CBL: variants seen among roughly 807,000 people sequenced by gnomAD.
The protein encoded by CBL is E3 ubiquitin-protein ligase CBL.
CBL carries 45 observed loss-of-function variants against 96.9 expected under a neutral mutation model. The ratio of observed to expected loss-of-function variants is 0.46; its 90% CI spans 0.37 to 0.60. The LOEUF is 0.60. CBL is among the 20% of genes least tolerant of loss of function. The pLI is 0.00. For synonymous variants in CBL, 420 were observed against 426.8 expected (o/e 0.98, Z 0.20); for missense variants, 1,024 against 1,143.5 (o/e 0.90, Z 1.51).
At chr11:119,274,106 A>G in intron 4 of CBL, 82 bp downstream of exon 4, 1 of 1,093,712 alleles carries the variant, frequency 9.1e-7, no homozygotes, top group Non-Finnish European at 1.4e-6. Context: ...TTTAAATAAC[A>G]TTTGGGGTTT....
chr11:119,244,581 A>ATTTTTTTTT lies in CBL; in HGVS notation c.443+11896_443+11904dup, dbSNP rs532837579. On this transcript the variant is annotated intron_variant, in intron 2 of 15. Transcript: ENST00000264033. ...AGGTGCATGCTACCATGCCCGGCTA[A>ATTTTTTTTT]TTTTTTTTTTTTTTTTTTGAGACGG... is the stretch of plus-strand genomic sequence containing the variant. 2.7e-3 allele frequency among the ~76,000 whole-genome samples: 286 copies of ATTTTTTTTT among 104,358 alleles called. 23 individuals carry two copies. The highest frequency in any genetic ancestry group is 0.011 in the African/African-American group (256 of 24,332). The allele number at this position is 104,358 out of a possible 152,430, so 68.5% of individuals were successfully genotyped here. A position where few individuals can be genotyped will look rare whatever the true frequency, so the allele number is the denominator to read the frequency against.
At position 119,206,358 on chromosome 11, in the gene CBL, C is replaced by T. The variant is rs1028874636; in HGVS notation, c.-60C>T. Reference sequence around the variant, plus strand: ...CCCCTCCTTCACGCCCTGCTTCTCTCCCTCGCTCGCAGTCGAGCCGAGCCG... The same window carrying T: ...CCCCTCCTTCACGCCCTGCTTCTCTTCCTCGCTCGCAGTCGAGCCGAGCCG... On this transcript the variant is annotated 5_prime_UTR_variant, in exon 1 of 16. Coordinates refer to ENST00000264033, the MANE Select transcript of CBL (RefSeq NM_005188.4). 1.2e-4 allele frequency: 166 copies of T among 1,340,576 alleles called. No homozygotes were observed. The highest frequency in any genetic ancestry group is 2.8e-4 in the South Asian group (19 of 68,390). 83.0% of individuals were successfully genotyped at this position (1,340,576 alleles called of 1,614,324 possible).
chr11:119,275,908 G>T, intron 5 of CBL, 89 bp from the exon 6 acceptor site: 5 of 1,205,594 alleles, frequency 4.1e-6, no homozygotes, highest in Non-Finnish European at 6.2e-6. Context: ...ATTCTTGATG[G>T]TTCTTTTGAT....
intron 1 of CBL, among the ~76,000 whole-genome samples, chr11:119,224,684 G>C (rs1344618433): frequency 6.6e-6 from 1 of 152,122 alleles, no homozygotes; most frequent in East Asian, 1.9e-4. Flanking sequence ...TCTGCCTCCC[G>C]GGTTCAAGCG....
At chr11:119,232,361 A>G in intron 1 of CBL, 87 bp from the exon 2 acceptor site, 1 of 1,418,654 alleles carries the variant, frequency 7.0e-7, no homozygotes, top group South Asian at 1.2e-5. Flanking sequence ...GCAAAAGAGC[A>G]CATATTTCAT....
At position 119,277,854 on chromosome 11, in the gene CBL, G is replaced by A. The variant is rs1949901140; in HGVS notation, c.1095+10G>A. On this transcript the variant is annotated intron_variant, in intron 7 of 15. Coordinates refer to ENST00000264033, the MANE Select transcript of CBL (RefSeq NM_005188.4). ...TATCAAAGTGACCCAGGTGAGTTTT[G>A]TTTCACATGATAACCATATCACTGG... 1.9e-6 allele frequency: 3 copies of A among 1,568,208 alleles called. No individual in the cohort carries two copies. Among genetic ancestry groups the A allele is most frequent in the South Asian group, 2.2e-5 (2 of 90,138 alleles).
chr11:119,303,376 A>G lies in CBL; in HGVS notation c.*3595A>G, dbSNP rs1163946329. On this transcript the variant is annotated 3_prime_UTR_variant, in exon 16 of 16. Transcript: ENST00000264033. ...GCTCTAACAGTTTGTTTGTTCATCCAGCAAATGTTTATGAGTGATGACCAT... is the reference window on the plus strand; with the variant it reads ...GCTCTAACAGTTTGTTTGTTCATCCGGCAAATGTTTATGAGTGATGACCAT... 8.6e-6 allele frequency: 2 copies of G among 233,436 alleles called. No homozygotes were observed. The highest frequency in any genetic ancestry group is 1.1e-4 in the Admixed American group (2 of 17,784). The allele number at this position is 233,436 out of a possible 1,614,324, so 14.5% of individuals were successfully genotyped here.
At position 119,297,488 on chromosome 11, in the gene CBL, TG is replaced by T; in HGVS notation, c.2251+8del. ...ACCGAGAGCAGCACCTTTGGTAAGTTGCCATTCTGCTACTTTAAAAATCATT... is the reference window on the plus strand; with the variant it reads ...ACCGAGAGCAGCACCTTTGGTAAGTTCCATTCTGCTACTTTAAAAATCATT... On this transcript the variant is annotated splice_region_variant and intron_variant, in intron 14 of 15. Transcript: ENST00000264033. 1 of 1,583,818 alleles carries T rather than the reference TG, an allele frequency of 6.3e-7. No homozygotes were observed. Among genetic ancestry groups the T allele is most frequent in the South Asian group, 1.1e-5 (1 of 90,452 alleles).
chr11:119,303,324 A>G lies in CBL; in HGVS notation c.*3543A>G, dbSNP rs1950114131. On this transcript the variant is annotated 3_prime_UTR_variant, in exon 16 of 16. Transcript: ENST00000264033. Reference sequence around the variant, plus strand: ...ACTCTGGAATGACCACTGTTCATTGAAAAATAGTTTTCTGACTATTGGTCT... The same window carrying G: ...ACTCTGGAATGACCACTGTTCATTGGAAAATAGTTTTCTGACTATTGGTCT... 4.3e-6 allele frequency: 1 copy of G among 233,200 alleles called. No homozygotes were observed. The highest frequency in any genetic ancestry group is 1.8e-4 in the South Asian group (1 of 5,528). 14.4% of individuals were successfully genotyped at this position (233,200 alleles called of 1,614,324 possible).
intron 1 of CBL, among the ~76,000 whole-genome samples, chr11:119,210,440 A>C (rs1949306739): frequency 6.6e-6 from 1 of 151,558 alleles, no homozygotes; most frequent in South Asian, 2.1e-4. Flanking sequence ...TTAGTAAGAG[A>C]CTTTATTTAT....
Position 119,299,417 on chromosome 11 carries a change from T to TA in CBL, c.2435-77dup. ...TTACAGGAAGTCAGTAATATCTTGATATTAGCACATTTTTATTGCTGTTGT... is the reference window on the plus strand; with the variant it reads ...TTACAGGAAGTCAGTAATATCTTGATAATTAGCACATTTTTATTGCTGTTGT... On this transcript the variant is annotated intron_variant, in intron 15 of 15. Coordinates refer to ENST00000264033, the MANE Select transcript of CBL (RefSeq NM_005188.4). 7.6e-6 allele frequency: 10 copies of TA among 1,322,282 alleles called. 1 individual carries two copies. In the South Asian group the frequency reaches 1.2e-4, roughly 16 times the overall value. 81.9% of individuals were successfully genotyped at this position (1,322,282 alleles called of 1,614,324 possible). A position where few individuals can be genotyped will look rare whatever the true frequency, so the allele number is the denominator to read the frequency against.
At position 119,306,128 on chromosome 11, in the gene CBL, G is replaced by A. The variant is rs1387663830; in HGVS notation, c.*6347G>A. Reference sequence around the variant, plus strand: ...AGTAGGAGATGGGGAAATAGGGATGGGGAGAGCAAGCCCCGCATGTCCATG... The same window carrying A: ...AGTAGGAGATGGGGAAATAGGGATGAGGAGAGCAAGCCCCGCATGTCCATG... On this transcript the variant is annotated 3_prime_UTR_variant, in exon 16 of 16. Coordinates refer to ENST00000264033, the MANE Select transcript of CBL (RefSeq NM_005188.4). 3.3e-5 allele frequency: 13 copies of A among 396,808 alleles called. No individual in the cohort carries two copies. The highest frequency in any genetic ancestry group is 2.1e-4 in the African/African-American group (10 of 48,728). The allele number at this position is 396,808 out of a possible 1,614,324, so 24.6% of individuals were successfully genotyped here. A position where few individuals can be genotyped will look rare whatever the true frequency, so the allele number is the denominator to read the frequency against.
chr11:119,273,734 C>T, intron 3 of CBL, 134 bp from the exon 4 acceptor site: 1 of 790,028 alleles, frequency 1.3e-6, no homozygotes, highest in East Asian at 2.7e-5. Context: ...AGAAGTTGAC[C>T]TGTATTTTGA....
At chr11:119,216,801 A>C (rs933605087) in intron 1 of CBL, among the ~76,000 whole-genome samples, 25 of 151,654 alleles carry the variant, frequency 1.6e-4, no homozygotes, top group African/African-American at 6.1e-4. Context: ...CCAAATAACT[A>C]CCCTCCCAAG....
At chr11:119,237,791 G>A (rs1176436413) in intron 2 of CBL, among the ~76,000 whole-genome samples, 1 of 152,050 alleles carries the variant, frequency 6.6e-6, no homozygotes, top group Non-Finnish European at 1.5e-5. Context: ...CTGTAGCTTT[G>A]TACTAAAGCT....
At chr11:119,289,416 C>A (rs1380469992) in intron 12 of CBL, 1 of 151,986 alleles carries the variant, frequency 6.6e-6, no homozygotes, top group Non-Finnish European at 1.5e-5. Flanking sequence ...TTTATTATAA[C>A]CAAATACCTC....
At position 119,300,908 on chromosome 11, in the gene CBL, G is replaced by C. The variant is rs541897594; in HGVS notation, c.*1127G>C. The stretch of plus-strand genomic sequence containing the variant: ...CAAAATAGACAGTAAGGATTTATCT[G>C]TTCAGTTTTTCTTCCCAGTGAATTA... On this transcript the variant is annotated 3_prime_UTR_variant, in exon 16 of 16. Coordinates refer to ENST00000264033, the MANE Select transcript of CBL (RefSeq NM_005188.4). 3.5e-4 allele frequency: 91 copies of C among 259,402 alleles called. No homozygotes were observed. The highest frequency in any genetic ancestry group is 1.8e-3 in the African/African-American group (83 of 46,344). 16.1% of individuals were successfully genotyped at this position (259,402 alleles called of 1,614,324 possible). A position where few individuals can be genotyped will look rare whatever the true frequency, so the allele number is the denominator to read the frequency against.
intron 2 of CBL, among the ~76,000 whole-genome samples, chr11:119,256,592 G>T (rs1260558546): frequency 6.6e-6 from 1 of 151,660 alleles, no homozygotes; most frequent in East Asian, 1.9e-4. Flanking sequence ...GGATACAGGT[G>T]GGTTTTGATT....
At position 119,302,934 on chromosome 11, in the gene CBL, C is replaced by T. The variant is rs964570263; in HGVS notation, c.*3153C>T. ...TCCTCTCTTTCTCTTCTTATACAGA[C>T]CCTCATTACTGGGGCCCAAGATGTG... On this transcript the variant is annotated 3_prime_UTR_variant, in exon 16 of 16. Transcript: ENST00000264033. 1 of 229,780 alleles carries T rather than the reference C, an allele frequency of 4.4e-6. No homozygotes were observed. The highest frequency in any genetic ancestry group is 8.6e-6 in the Non-Finnish European group (1 of 115,856). 14.2% of individuals were successfully genotyped at this position (229,780 alleles called of 1,614,324 possible). A position where few individuals can be genotyped will look rare whatever the true frequency, so the allele number is the denominator to read the frequency against.
Sources: gnomAD v4.1 joint callset for allele counts (sites outside exome capture counted in the v4.1 genomes callset) on GRCh38, gnomAD v4.1.1 for gene constraint, MANE v1.5 for transcripts, NCBI Gene and HGNC (gene_info 2026-07-23, HGNC 2026-07-21) for gene names.